The following VEPH1 variants were observed in gnomAD, a reference collection of about 807,000 sequenced individuals.
VEPH1 encodes ventricular zone expressed PH domain containing 1.
A neutral mutation model predicts 85.2 loss-of-function variants in VEPH1; 80 were observed. The observed-to-expected ratio is 0.94, with a 90% confidence interval of 0.78 to 1.13. The LOEUF (loss-of-function observed/expected upper bound fraction) is 1.13, where lower values mean the gene tolerates loss of function less well. Among genes scored for constraint, VEPH1 ranks in the 50% most tolerant of loss-of-function variants. The pLI is 0.00. For missense variants in VEPH1, 955 were observed against 980.5 expected (o/e 0.97, Z 0.35); for synonymous variants, 297 against 348.0 (o/e 0.85, Z 1.63).
At chr3:157,323,469 G>T (rs1721570864) in intron 9 of VEPH1, among the ~76,000 whole-genome samples, 1 of 152,152 alleles carries the variant, frequency 6.6e-6, no homozygotes, top group Non-Finnish European at 1.5e-5. Context: ...AAGAGGACTT[G>T]CCTAGTGTTT....
rs138191157 is a variant in VEPH1, at chr3:157,362,322, C to T, written c.1735+1042G>A. Among the ~76,000 whole-genome samples, 427 of 152,288 alleles carry T rather than the reference C, an allele frequency of 2.8e-3. 5 individuals carry two copies. In the East Asian group the frequency reaches 0.043, roughly 15 times the overall value. ...CTTGGATTACAGGCATGAGCCACTGCGCCCAGCCTTTACTGAGTTTTATTG... is the reference window on the plus strand; with the variant it reads ...CTTGGATTACAGGCATGAGCCACTGTGCCCAGCCTTTACTGAGTTTTATTG... On this transcript the variant is annotated intron_variant, in intron 9 of 13. Coordinates refer to ENST00000362010, the MANE Select transcript of VEPH1 (RefSeq NM_001167912.2).
intron 12 of VEPH1, among the ~76,000 whole-genome samples, chr3:157,281,091 T>C (rs1414808173): frequency 6.9e-6 from 1 of 145,068 alleles, no homozygotes; most frequent in Non-Finnish European, 1.5e-5. Context: ...TGTGTGCGTG[T>C]GTGTGTGTGT....
chr3:157,388,404 T>C (rs1729524705), intron 6 of VEPH1, among the ~76,000 whole-genome samples: 1 of 152,172 alleles, frequency 6.6e-6, no homozygotes, highest in Non-Finnish European at 1.5e-5. Flanking sequence ...GAAACTCTGG[T>C]ACTGGGGGAG....
intron 4 of VEPH1, chr3:157,436,934 A>G (rs1733629615): frequency 1.2e-6 from 2 of 1,613,292 alleles, no homozygotes; most frequent in South Asian, 1.1e-5. Context: ...CTCTCCAGCA[A>G]TGCATCTCCT....
At chr3:157,341,176 A>G (rs1046871826) in intron 9 of VEPH1, among the ~76,000 whole-genome samples, 6 of 152,244 alleles carry the variant, frequency 3.9e-5, no homozygotes, top group African/African-American at 1.4e-4. Context: ...CTGGATGGAG[A>G]ATGACTTTGA....
chr3:157,378,353 T>G (rs905893068), intron 7 of VEPH1, among the ~76,000 whole-genome samples: 2 of 84,956 alleles, frequency 2.4e-5, no homozygotes, highest in African/African-American at 9.0e-5. Context: ...TATATATATA[T>G]ATATAGTAGT....
chr3:157,375,827 C>A (rs1307265609), intron 7 of VEPH1, among the ~76,000 whole-genome samples: 2 of 152,096 alleles, frequency 1.3e-5, no homozygotes, highest in African/African-American at 4.8e-5. Flanking sequence ...GAAGAGCAAG[C>A]ATAAAATCTC....
At chr3:157,477,966 T>C (rs1475568608) in intron 2 of VEPH1, among the ~76,000 whole-genome samples, 1 of 152,168 alleles carries the variant, frequency 6.6e-6, no homozygotes, top group African/African-American at 2.4e-5. Context: ...AAATTTATTA[T>C]ACAAAGCATA....
intron 7 of VEPH1, among the ~76,000 whole-genome samples, chr3:157,378,850 A>G (rs367868178): frequency 2.0e-5 from 3 of 151,624 alleles, no homozygotes; most frequent in East Asian, 1.9e-4. Flanking sequence ...GTGTTCATCC[A>G]CCCCCCTCTT....
At chr3:157,395,824 A>G (rs549063247) in intron 6 of VEPH1, among the ~76,000 whole-genome samples, 2 of 152,208 alleles carry the variant, frequency 1.3e-5, no homozygotes, top group South Asian at 4.2e-4. Flanking sequence ...TATTAAGCCC[A>G]GTACCCAATA....
At chr3:157,325,876 A>C (rs1417216299) in intron 9 of VEPH1, among the ~76,000 whole-genome samples, 1 of 152,154 alleles carries the variant, frequency 6.6e-6, no homozygotes, top group East Asian at 1.9e-4. Flanking sequence ...AAGAATGTCA[A>C]TGGTAGTTTA....
intron 4 of VEPH1, among the ~76,000 whole-genome samples, chr3:157,431,295 T>A (rs1256779582): frequency 2.0e-5 from 3 of 152,166 alleles, no homozygotes; most frequent in Non-Finnish European, 2.9e-5. Flanking sequence ...CTTTTCTCCA[T>A]AAATTACCCA....
rs573430933 is a variant in VEPH1, at chr3:157,268,515, C to T, written c.2129-2853G>A. 2.8e-4 allele frequency among the ~76,000 whole-genome samples: 42 copies of T among 152,228 alleles called. 1 individual carries two copies. Among genetic ancestry groups the T allele is most frequent in the African/African-American group, 1.0e-3 (42 of 41,552 alleles). On this transcript the variant is annotated intron_variant, in intron 12 of 13. Coordinates refer to ENST00000362010, the MANE Select transcript of VEPH1 (RefSeq NM_001167912.2). ...TTTTCAGGTGAGAGAAAATGGTAAT[C>T]TAATTGTAATATCTGAAGGTTTTTA...
chr3:157,442,047 G>A (rs1418801075), intron 4 of VEPH1, among the ~76,000 whole-genome samples: 1 of 152,152 alleles, frequency 6.6e-6, no homozygotes, highest in Non-Finnish European at 1.5e-5. Context: ...AAAAAAAGCA[G>A]TAACAAAGAA....
intron 1 of VEPH1, among the ~76,000 whole-genome samples, chr3:157,495,868 G>A (rs777718707): frequency 6.6e-6 from 1 of 152,136 alleles, no homozygotes; most frequent in Admixed American, 6.5e-5. Context: ...CAAACAGAAA[G>A]GGAGAACAAA....
chr3:157,460,616 A>G (rs1320518376), intron 3 of VEPH1, among the ~76,000 whole-genome samples: 4 of 152,186 alleles, frequency 2.6e-5, no homozygotes, highest in African/African-American at 9.6e-5. Flanking sequence ...CAGAGCAGAG[A>G]AGGAGCACTC....
Position 157,306,274 on chromosome 3 carries a change from G to C in VEPH1, c.2010+7347C>G, listed in dbSNP as rs147662793. On this transcript the variant is annotated intron_variant, in intron 11 of 13. Transcript: ENST00000362010. ...TTCCTCACTTTCTCCTTACCCAAAG[G>C]CAACCTCATCATGAATTTTGTATAA... 3.3e-3 allele frequency among the ~76,000 whole-genome samples: 506 copies of C among 151,944 alleles called. 4 individuals carry two copies. The highest frequency in any genetic ancestry group is 0.012 in the African/African-American group (486 of 41,432).
chr3:157,463,740 TCAACC>T (rs1256920632), intron 3 of VEPH1, among the ~76,000 whole-genome samples: 1 of 152,170 alleles, frequency 6.6e-6, no homozygotes, highest in Non-Finnish European at 1.5e-5. Flanking sequence ...GCCAGTGCAC[TCAACC>T]CCAGTGAGAG....
chr3:157,339,786 C>T (rs1391714462), intron 9 of VEPH1, among the ~76,000 whole-genome samples: 1 of 152,086 alleles, frequency 6.6e-6, no homozygotes, highest in East Asian at 1.9e-4. Flanking sequence ...TTCTTAGACC[C>T]CTTGACTCAC....
Sources: gnomAD v4.1 joint callset for allele counts (sites outside exome capture counted in the v4.1 genomes callset) on GRCh38, gnomAD v4.1.1 for gene constraint, MANE v1.5 for transcripts, NCBI Gene and HGNC (gene_info 2026-07-23, HGNC 2026-07-21) for gene names.